The following CTBP2 variants were observed in gnomAD, a reference collection of about 807,000 sequenced individuals.
CTBP2 encodes the protein C-terminal binding protein 2, also known as C-terminal-binding protein 2.
Under a neutral mutation model 80.3 loss-of-function variants are expected in CTBP2, and 30 were observed. The observed-to-expected ratio is 0.37, with a 90% CI of 0.28 to 0.51. The LOEUF (loss-of-function observed/expected upper bound fraction) is 0.51, where lower values mean the gene tolerates loss of function less well. CTBP2 is among the 20% of genes least tolerant of loss of function. CTBP2 has a pLI of 0.93. For missense variants in CTBP2, 1,212 were observed against 1,375.3 expected, an observed-to-expected ratio of 0.88 and a Z score of 1.88; for synonymous variants, 594 against 587.4, an observed-to-expected ratio of 1.01 and a Z score of -0.16.
chr10:125,010,379 G>C (rs1457046491), intron 1 of CTBP2, among the ~76,000 whole-genome samples: 2 of 152,166 alleles, frequency 1.3e-5, no homozygotes, highest in Non-Finnish European at 1.5e-5. Flanking sequence ...GCTTCCCAGA[G>C]GCTGCGATTT....
rs979404733 is a variant in CTBP2, at chr10:125,037,205, T to C, written c.58+1792A>G. Among the ~76,000 whole-genome samples the C allele has an allele frequency of 2.0e-5, 3 of 152,252 alleles. No homozygotes were observed. In the East Asian group the frequency reaches 5.8e-4, roughly 29 times the overall value. On this transcript the variant is annotated intron_variant, in intron 3 of 10. Coordinates refer to the CTBP2 transcript ENST00000337195. The stretch of plus-strand genomic sequence containing the variant: ...GGTTGGTGAACCATCCTTCAGCACC[T>C]GTCTGGATGGGACAGAGGGTCTGCA...
upstream of CTBP2, among the ~76,000 whole-genome samples, chr10:125,031,060 A>G (rs1050315478): frequency 1.3e-5 from 2 of 152,152 alleles, no homozygotes; most frequent in African/African-American, 4.8e-5. Context: ...AGCGGGTAAC[A>G]CGGTTTTCTG....
At chr10:125,086,613 T>A (rs868011526) in intron 2 of CTBP2, among the ~76,000 whole-genome samples, 29 of 116,454 alleles carry the variant, frequency 2.5e-4, no homozygotes, top group African/African-American at 9.0e-4. Context: ...AAATTTTATT[T>A]AAAAAAAAAA....
intron 1 of CTBP2, among the ~76,000 whole-genome samples, chr10:125,119,198 C>T (rs1054247284): frequency 1.5e-4 from 23 of 152,226 alleles, no homozygotes; most frequent in African/African-American, 5.5e-4. Context: ...TCAGAGCACA[C>T]ACCCATACCA....
intron 1 of CTBP2, among the ~76,000 whole-genome samples, chr10:125,156,907 T>C (rs980307666): frequency 6.6e-6 from 1 of 152,216 alleles, no homozygotes; most frequent in Non-Finnish European, 1.5e-5. Flanking sequence ...ATTATACAGA[T>C]AGCAAGTTTT....
chr10:125,088,551 A>G (rs917861731), intron 2 of CTBP2, among the ~76,000 whole-genome samples: 1 of 152,172 alleles, frequency 6.6e-6, no homozygotes, highest in African/African-American at 2.4e-5. Context: ...TTATCAATCA[A>G]TGCAATGGAC....
chr10:125,008,328 G>A (rs1372081330), intron 1 of CTBP2, among the ~76,000 whole-genome samples: 1 of 152,216 alleles, frequency 6.6e-6, no homozygotes, highest in Non-Finnish European at 1.5e-5. Flanking sequence ...ACCAGTGCCT[G>A]AGTCACTCCC....
At chr10:125,076,018 C>T (rs1846221630) in intron 2 of CTBP2, among the ~76,000 whole-genome samples, 1 of 152,194 alleles carries the variant, frequency 6.6e-6, no homozygotes, top group Non-Finnish European at 1.5e-5. Context: ...AGCTACAAAT[C>T]CCAAATGACC....
intron 2 of CTBP2, among the ~76,000 whole-genome samples, chr10:125,097,455 A>G (rs1035327966): frequency 6.6e-6 from 1 of 152,198 alleles, no homozygotes. Flanking sequence ...CTAAGGCCTC[A>G]GTTCTCTACC....
At chr10:125,110,349 G>C (rs1163748775) in intron 2 of CTBP2, among the ~76,000 whole-genome samples, 4 of 152,168 alleles carry the variant, frequency 2.6e-5, no homozygotes, top group Non-Finnish European at 5.9e-5. Flanking sequence ...CTAAAGACAT[G>C]CCGAAATGAA....
At position 125,016,674 on chromosome 10, in the gene CTBP2, C is replaced by T. The variant is rs183366477; in HGVS notation, c.1678+9408G>A. 6.6e-5 allele frequency among the ~76,000 whole-genome samples: 10 copies of T among 152,356 alleles called. No homozygotes were observed. In the South Asian group the frequency reaches 1.0e-3, roughly 16 times the overall value. On this transcript the variant is annotated intron_variant, in intron 1 of 8. Coordinates refer to ENST00000309035, the MANE Select transcript of CTBP2 (RefSeq NM_022802.3). ...TCCGCGAGGACTGCTGTCCGGCAGG[C>T]CAAGGGCCAAGAGCGCTGCGCCCAG...
rs762775851 is a variant in CTBP2 at position 125,026,726 on chromosome 10, A to T, written c.1034T>A (p.Leu345Gln). Residue 345 changes from leucine to glutamine, a missense_variant, in exon 1 of 9, where the codon CTG (leucine) becomes CAG (glutamine). Leu to Gln is a moderately radical substitution (Grantham distance 113). Coordinates refer to ENST00000309035, the MANE Select transcript of CTBP2 (RefSeq NM_022802.3). ...CATTTCGGTCCTGCAGCTATTGGCC[A>T]GGCGGCTCAGAACACGGGCCTGGCC... is the stretch of plus-strand genomic sequence containing the variant. 6.2e-7 allele frequency: 1 copy of T among 1,612,896 alleles called. No individual in the cohort carries two copies. The highest frequency in any genetic ancestry group is 8.5e-7 in the Non-Finnish European group (1 of 1,179,920).
Position 124,997,973 on chromosome 10 carries a change from T to C in CTBP2, c.2176A>G (p.Ile726Val), listed in dbSNP as rs760266212. 1.2e-6 allele frequency: 2 copies of C among 1,612,222 alleles called. No homozygotes were observed. Among genetic ancestry groups the C allele is most frequent in the African/African-American group, 1.3e-5 (1 of 75,050 alleles). Reference sequence around the variant, plus strand: ...AGAGGGTGGCACGTACCAAAGCCAATGAGGCCCAGCGTCTCCCCACGGATG... The same window carrying C: ...AGAGGGTGGCACGTACCAAAGCCAACGAGGCCCAGCGTCTCCCCACGGATG... Residue 726 changes from isoleucine (I) to valine (V), a missense_variant, in exon 4 of 9, where the codon ATT becomes GTT. Ile to Val is a conservative substitution (Grantham distance 29). Transcript: ENST00000309035.
intron 3 of CTBP2, 50 bp downstream of exon 5, chr10:125,002,910 C>T: frequency 6.3e-7 from 1 of 1,599,902 alleles, no homozygotes; most frequent in Non-Finnish European, 8.5e-7. Flanking sequence ...CCGAGCAGGG[C>T]CCACAGAGCT....
At chr10:125,084,963 T>C (rs1253980326) in intron 2 of CTBP2, among the ~76,000 whole-genome samples, 2 of 152,188 alleles carry the variant, frequency 1.3e-5, no homozygotes, top group African/African-American at 4.8e-5. Flanking sequence ...CCTTGAACAT[T>C]TCCCCCAGCT....
chr10:125,064,767 G>A (rs1399409181), intron 2 of CTBP2, among the ~76,000 whole-genome samples: 1 of 152,206 alleles, frequency 6.6e-6, no homozygotes, highest in Non-Finnish European at 1.5e-5. Context: ...CTGCTTCCCT[G>A]ACTGTGTAGT....
intron 2 of CTBP2, among the ~76,000 whole-genome samples, chr10:125,041,865 C>G (rs1343917196): frequency 3.3e-5 from 5 of 151,418 alleles, no homozygotes; most frequent in Admixed American, 3.3e-4. Context: ...TAAGTAGAAT[C>G]TCAATCATGC....
At chr10:125,002,032 G>A (rs987712721) in intron 3 of CTBP2, among the ~76,000 whole-genome samples, 2 of 152,332 alleles carry the variant, frequency 1.3e-5, no homozygotes, top group Admixed American at 1.3e-4. Context: ...GGCCTTAGCC[G>A]ATGGGAGAGA....
chr10:125,114,052 G>A (rs1590864012), intron 1 of CTBP2, among the ~76,000 whole-genome samples: 1 of 152,330 alleles, frequency 6.6e-6, no homozygotes, highest in East Asian at 1.9e-4. Context: ...CTGACAGTGC[G>A]GCGTGGACTA....
Sources: gnomAD v4.1 joint callset for allele counts (sites outside exome capture counted in the v4.1 genomes callset) on GRCh38, gnomAD v4.1.1 for gene constraint, MANE v1.5 for transcripts, NCBI Gene and HGNC (gene_info 2026-07-23, HGNC 2026-07-21) for gene names.